Variants in CBR4 observed in about 807,000 individuals in gnomAD.
The protein encoded by CBR4 is 3-oxoacyl-[acyl-carrier-protein] reductase.
A neutral mutation model predicts 21.0 loss-of-function variants in CBR4; 22 were observed. The observed-to-expected ratio is 1.05, with a 90% CI of 0.75 to 1.50. The LOEUF (loss-of-function observed/expected upper bound fraction) is 1.50. CBR4 is among the 40% of genes most tolerant of loss of function. The pLI is 0.00. For synonymous variants in CBR4, 100 were observed against 104.4 expected (o/e 0.96, Z 0.26); for missense variants, 302 against 286.3 (o/e 1.05, Z -0.40).
chr4:168,909,997 T>C (rs546401436), intron 2 of CBR4, among the ~76,000 whole-genome samples: 5 of 152,318 alleles, frequency 3.3e-5, no homozygotes, highest in Admixed American at 1.3e-4. Context: ...CTAATAATTC[T>C]GCCTCCTGAA....
chr4:169,008,332 T>C (rs536752515), intron 1 of CBR4, among the ~76,000 whole-genome samples: 1 of 152,162 alleles, frequency 6.6e-6, no homozygotes, highest in South Asian at 2.1e-4. Context: ...AAAAAAACAC[T>C]TTTTACTAAA....
intron 2 of CBR4, among the ~76,000 whole-genome samples, chr4:168,903,188 T>A (rs1449772887): frequency 6.6e-6 from 1 of 152,242 alleles, no homozygotes; most frequent in Non-Finnish European, 1.5e-5. Context: ...ATATGCTTCC[T>A]GGCCCAGAAA....
At chr4:169,009,921 A>C (rs1326669374) in intron 1 of CBR4, 27 bp downstream of exon 1, 1 of 1,600,694 alleles carries the variant, frequency 6.2e-7, no homozygotes, top group Non-Finnish European at 8.5e-7. Context: ...CGGCCATACA[A>C]CTGGACAACT....
chr4:169,008,431 C>T (rs114284653), intron 1 of CBR4, among the ~76,000 whole-genome samples: 1 of 152,144 alleles, frequency 6.6e-6, no homozygotes, highest in Non-Finnish European at 1.5e-5. Flanking sequence ...CCTATGTAAT[C>T]TACCATTTTA....
At chr4:168,920,921 G>A (rs963428881) in intron 2 of CBR4, among the ~76,000 whole-genome samples, 2 of 152,216 alleles carry the variant, frequency 1.3e-5, no homozygotes, top group African/African-American at 2.4e-5. Flanking sequence ...CCAGAGCCTG[G>A]TGCTGATATC....
At position 168,977,927 on chromosome 4, in the gene CBR4, T is replaced by C. The variant is rs372413938; in HGVS notation, n.169+24144A>G. 9.8e-3 allele frequency among the ~76,000 whole-genome samples: 776 copies of C among 79,038 alleles called. 4 individuals carry two copies. The highest frequency in any genetic ancestry group is 0.061 in the South Asian group (99 of 1,626). 51.9% of individuals were successfully genotyped at this position (79,038 alleles called of 152,430 possible). ...ACTCAATTTTCCATTACCTCTCACATGAGGTAATGGGTACTACAAACATGG... is the reference window on the plus strand; with the variant it reads ...ACTCAATTTTCCATTACCTCTCACACGAGGTAATGGGTACTACAAACATGG... On this transcript the variant is annotated intron_variant and non_coding_transcript_variant, in intron 2 of 3. Transcript: ENST00000509108.
chr4:168,982,507 T>C (rs1243310069), intron 2 of CBR4, among the ~76,000 whole-genome samples: 1 of 152,124 alleles, frequency 6.6e-6, no homozygotes, highest in Non-Finnish European at 1.5e-5. Context: ...ACTGGGCAGA[T>C]CACTGAGGCA....
At chr4:168,932,606 C>T (rs1763001272) in intron 2 of CBR4, among the ~76,000 whole-genome samples, 1 of 152,244 alleles carries the variant, frequency 6.6e-6, no homozygotes, top group South Asian at 2.1e-4. Context: ...TCAACCTAAA[C>T]AGTTCCTCTC....
At chr4:168,964,525 T>C (rs1037192811) in intron 2 of CBR4, among the ~76,000 whole-genome samples, 4 of 152,330 alleles carry the variant, frequency 2.6e-5, no homozygotes. Flanking sequence ...TAGAATAGTA[T>C]GCAATACTCT....
At chr4:169,005,849 A>C (rs1232120950) in intron 3 of CBR4, 2 of 1,280,082 alleles carry the variant, frequency 1.6e-6, no homozygotes, top group African/African-American at 1.5e-5. Context: ...GGCTTGAAAA[A>C]CCATTTCCTA....
intron 2 of CBR4, among the ~76,000 whole-genome samples, chr4:168,930,102 A>C (rs1450764150): frequency 6.6e-6 from 1 of 152,224 alleles, no homozygotes; most frequent in East Asian, 1.9e-4. Flanking sequence ...ATCTAAATTC[A>C]GCATTACTTC....
intron 2 of CBR4, among the ~76,000 whole-genome samples, chr4:169,007,152 A>G (rs1356858580): frequency 6.6e-6 from 1 of 152,242 alleles, no homozygotes; most frequent in East Asian, 1.9e-4. Context: ...CCTAAAAAGT[A>G]GTAACATATA....
chr4:168,927,702 C>T (rs1762733158), intron 2 of CBR4: 1 of 224,930 alleles, frequency 4.4e-6, no homozygotes, highest in East Asian at 6.4e-5. Flanking sequence ...TTTGTAAAGG[C>T]ATCTCGGTAA....
At chr4:168,943,275 C>A (rs1437012586) in intron 2 of CBR4, among the ~76,000 whole-genome samples, 2 of 152,204 alleles carry the variant, frequency 1.3e-5, no homozygotes, top group African/African-American at 4.8e-5. Context: ...CCTGAGACCT[C>A]TGCAACCCCA....
Position 168,988,672 on chromosome 4 carries a change from AT to A in CBR4, c.*1477del. ...AATTCTGTATATTACCACGTCTTGC[AT>A]TTAATAGACAATTTGTTTAATGATA... On this transcript the variant is annotated 3_prime_UTR_variant, in exon 5 of 5. Coordinates refer to ENST00000306193, the MANE Select transcript of CBR4 (RefSeq NM_032783.5). The A allele has an allele frequency of 1.0e-6, 1 of 982,794 alleles. No homozygotes were observed. The highest frequency in any genetic ancestry group is 1.2e-6 in the Non-Finnish European group (1 of 827,518). 60.9% of individuals were successfully genotyped at this position (982,794 alleles called of 1,614,324 possible).
At chr4:168,913,894 T>A (rs1245565406) in intron 2 of CBR4, 2 of 1,359,622 alleles carry the variant, frequency 1.5e-6, no homozygotes, top group Non-Finnish European at 2.1e-6. Flanking sequence ...TAGTTTTAAA[T>A]AGCAAATCAT....
intron 2 of CBR4, among the ~76,000 whole-genome samples, chr4:168,956,308 A>C (rs1468646576): frequency 6.6e-6 from 1 of 152,088 alleles, no homozygotes; most frequent in Non-Finnish European, 1.5e-5. Context: ...ATTCCTTATC[A>C]AGAGTAAGGG....
At position 168,988,655 on chromosome 4, in the gene CBR4, A is replaced by G. The variant is rs577487508; in HGVS notation, c.*1495T>C. ...CTTGGTAATGCCTGATAAATTCTGT[A>G]TATTACCACGTCTTGCATTTAATAG... On this transcript the variant is annotated 3_prime_UTR_variant, in exon 5 of 5. Transcript: ENST00000306193. 7 of 984,130 alleles carry G rather than the reference A, an allele frequency of 7.1e-6. No individual in the cohort carries two copies. In the African/African-American group the frequency reaches 1.2e-4, roughly 17 times the overall value. 61.0% of individuals were successfully genotyped at this position (984,130 alleles called of 1,614,324 possible).
At chr4:168,957,965 C>T (rs544910114) in intron 2 of CBR4, among the ~76,000 whole-genome samples, 7 of 152,288 alleles carry the variant, frequency 4.6e-5, no homozygotes, top group African/African-American at 1.7e-4. Flanking sequence ...GCTTGCCATG[C>T]TTCCCCTCTG....
Sources: gnomAD v4.1 joint callset for allele counts (sites outside exome capture counted in the v4.1 genomes callset) on GRCh38, gnomAD v4.1.1 for gene constraint, MANE v1.5 for transcripts, NCBI Gene and HGNC (gene_info 2026-07-23, HGNC 2026-07-21) for gene names.